HTR2C: variants seen among roughly 807,000 people sequenced by gnomAD.
The protein encoded by HTR2C is 5-hydroxytryptamine (serotonin) receptor 2C, G protein-coupled.
Under a neutral mutation model 21.0 loss-of-function variants are expected in HTR2C, and 5 were observed. That is an observed-to-expected ratio of 0.24 (90% CI 0.12 to 0.50). The LOEUF is 0.50. Among genes scored for constraint, HTR2C ranks in the 20% least tolerant of loss-of-function variants. HTR2C has a pLI of 0.98. For missense variants in HTR2C, 271 were observed against 371.2 expected (o/e 0.73, Z 2.22); for synonymous variants, 150 against 145.3 (o/e 1.03, Z -0.23).
intron 5 of HTR2C, among the ~76,000 whole-genome samples, chrX:114,849,689 T>C (rs1245156853): frequency 4.5e-5 from 5 of 112,080 alleles, no homozygotes; most frequent in South Asian, 3.7e-4. Flanking sequence ...GACATGGAAT[T>C]CAGCCCTGGT....
At chrX:114,679,240 T>C (rs1303715171) in intron 2 of HTR2C, among the ~76,000 whole-genome samples, 1 of 111,085 alleles carries the variant, frequency 9.0e-6, no homozygotes, top group African/African-American at 3.3e-5. Flanking sequence ...TTGGCAGTCT[T>C]AAAGAACCTT....
intron 2 of HTR2C, among the ~76,000 whole-genome samples, chrX:114,676,650 GTGTT>G (rs782354120): frequency 1.1e-4 from 12 of 112,376 alleles, no homozygotes; most frequent in African/African-American, 3.9e-4. Flanking sequence ...ACTCATGAGA[GTGTT>G]TAAGTTGGAA....
intron 1 of HTR2C, among the ~76,000 whole-genome samples, chrX:114,591,949 A>G (rs1927653255): frequency 8.9e-6 from 1 of 111,989 alleles, no homozygotes; most frequent in South Asian, 3.7e-4. Flanking sequence ...CTCAGGATGA[A>G]TGAAGAAAAA....
chrX:114,702,539 C>A (rs1424277677), intron 2 of HTR2C, among the ~76,000 whole-genome samples: 1 of 111,082 alleles, frequency 9.0e-6, no homozygotes, highest in African/African-American at 3.3e-5. Flanking sequence ...CAGGCCTGCC[C>A]TAAAAGAGCT....
intron 1 of HTR2C, among the ~76,000 whole-genome samples, chrX:114,590,389 G>T (rs1556390796): frequency 3.6e-5 from 4 of 111,812 alleles, no homozygotes; most frequent in Non-Finnish European, 7.5e-5. Flanking sequence ...CAGTACTGTG[G>T]TATGTAGCTT....
At chrX:114,833,094 C>T (rs1431694968) in intron 4 of HTR2C, among the ~76,000 whole-genome samples, 1 of 91,126 alleles carries the variant, frequency 1.1e-5, no homozygotes, top group Non-Finnish European at 2.2e-5. Context: ...CTGCTGGATT[C>T]GTTTTGCCAG....
intron 2 of HTR2C, among the ~76,000 whole-genome samples, chrX:114,650,368 T>A (rs1463914420): frequency 8.9e-6 from 1 of 111,883 alleles, no homozygotes; most frequent in Non-Finnish European, 1.9e-5. Flanking sequence ...AAACTCCTTA[T>A]CATTGCATAC....
At chrX:114,799,547 A>G (rs1433735373) in intron 4 of HTR2C, among the ~76,000 whole-genome samples, 1 of 110,990 alleles carries the variant, frequency 9.0e-6, no homozygotes, top group Non-Finnish European at 1.9e-5. Flanking sequence ...GTACATATGC[A>G]TTCTTACCAC....
chrX:114,884,567 A>G (rs1255264375), intron 5 of HTR2C, among the ~76,000 whole-genome samples: 1 of 111,175 alleles, frequency 9.0e-6, no homozygotes, highest in Non-Finnish European at 1.9e-5. Context: ...CAACATCACT[A>G]ATCATCAGGG....
intron 4 of HTR2C, among the ~76,000 whole-genome samples, chrX:114,778,217 G>C (rs782389066): frequency 1.8e-5 from 2 of 111,166 alleles, no homozygotes; most frequent in African/African-American, 6.5e-5. Context: ...GGTATCACAT[G>C]AACATAAGTT....
chrX:114,652,842 G>A, intron 2 of HTR2C: 2 of 210,505 alleles, frequency 9.5e-6, no homozygotes, highest in South Asian at 7.9e-5. Context: ...TTAAAGAATT[G>A]GAAAAGGTTA....
chrX:114,685,715 A>T (rs1323106682), intron 2 of HTR2C, among the ~76,000 whole-genome samples: 4 of 111,631 alleles, frequency 3.6e-5, no homozygotes, highest in African/African-American at 1.3e-4. Flanking sequence ...ATTATCATAA[A>T]GTCATAGCAC....
intron 2 of HTR2C, among the ~76,000 whole-genome samples, chrX:114,660,968 A>G: frequency 8.9e-6 from 1 of 112,266 alleles, no homozygotes; most frequent in African/African-American, 3.2e-5. Context: ...CTCTGCAAAT[A>G]TGGTTCATTT....
rs782029561 is a variant in HTR2C, at chrX:114,628,949, C to T, written c.-80+15068C>T. On this transcript the variant is annotated intron_variant, in intron 2 of 5. Coordinates refer to ENST00000276198, the MANE Select transcript of HTR2C (RefSeq NM_000868.4). ...TGTCAAATAATGAACATGTATTTTT[C>T]GGAATGATGAATTAGATGGAACCAC... 1.3e-4 allele frequency among the ~76,000 whole-genome samples: 14 copies of T among 111,924 alleles called. No homozygotes were observed. The East Asian group carries it at 3.4e-3, about 27-fold the overall frequency.
At chrX:114,844,009 A>C (rs782130222) in intron 4 of HTR2C, among the ~76,000 whole-genome samples, 1 of 111,573 alleles carries the variant, frequency 9.0e-6, no homozygotes, top group South Asian at 3.7e-4. Flanking sequence ...TCAGGATGAA[A>C]TGAAAGGACG....
chrX:114,838,666 C>G (rs991491823), intron 4 of HTR2C, among the ~76,000 whole-genome samples: 5 of 111,510 alleles, frequency 4.5e-5, no homozygotes, highest in Non-Finnish European at 9.4e-5. Flanking sequence ...AATTTTTTCC[C>G]CTGAAAATAA....
In HTR2C at chrX:114,891,082, AT is replaced by A. The variant is rs1272058844; in HGVS notation, c.551-15497del. ...AAATTGCAATTGTCCCATCAAGTGA[AT>A]TTTTTTTTTGCTATTTTGATAATTT... On this transcript the variant is annotated intron_variant, in intron 5 of 5. Transcript: ENST00000276198. Among the ~76,000 whole-genome samples, 460 of 107,790 alleles carry A rather than the reference AT, an allele frequency of 4.3e-3. 2 individuals carry two copies. Among genetic ancestry groups the A allele is most frequent in the African/African-American group, 0.015 (435 of 29,917 alleles). 93.6% of individuals were successfully genotyped at this position (107,790 alleles called of 115,157 possible).
intron 1 of HTR2C, among the ~76,000 whole-genome samples, chrX:114,609,792 C>T (rs923622443): frequency 2.7e-5 from 3 of 111,707 alleles, no homozygotes; most frequent in Admixed American, 9.5e-5. Flanking sequence ...ATATAGAAAA[C>T]GAGCAGAGCA....
intron 1 of HTR2C, among the ~76,000 whole-genome samples, chrX:114,590,895 C>T (rs1186624388): frequency 2.7e-5 from 3 of 111,500 alleles, no homozygotes; most frequent in Non-Finnish European, 5.7e-5. Flanking sequence ...AGTTCTGCAC[C>T]CATTTTGCGG....
Sources: gnomAD v4.1 joint callset for allele counts (sites outside exome capture counted in the v4.1 genomes callset) on GRCh38, gnomAD v4.1.1 for gene constraint, MANE v1.5 for transcripts, NCBI Gene and HGNC (gene_info 2026-07-23, HGNC 2026-07-21) for gene names.